CRTAP: variants seen among roughly 807,000 people sequenced by gnomAD.
CRTAP encodes cartilage associated protein, also known as cartilage-associated protein.
CRTAP carries 33 observed loss-of-function variants against 42.7 expected under a neutral mutation model. The observed-to-expected ratio is 0.77, with a 90% CI of 0.59 to 1.03. The LOEUF is 1.03. Among genes scored for constraint, CRTAP ranks in the 50% least tolerant of loss-of-function variants. The pLI, the probability that CRTAP is intolerant of heterozygous loss-of-function variation, is 0.00. For synonymous variants in CRTAP, 243 were observed against 217.7 expected, an observed-to-expected ratio of 1.12 and a Z score of -1.02; for missense variants, 613 against 533.9, an observed-to-expected ratio of 1.15 and a Z score of -1.46.
intron 3 of CRTAP, among the ~76,000 whole-genome samples, chr3:33,125,540 G>T (rs1051094925): frequency 2.6e-5 from 2 of 75,842 alleles, no homozygotes; most frequent in Non-Finnish European, 5.1e-5. Flanking sequence ...TCTTGTTATG[G>T]AAAATTTCAA....
In CRTAP at chr3:33,114,097, G is replaced by C. The variant is rs886044235; in HGVS notation, c.20G>C (p.Gly7Ala). MEPGRR[G>A]AAALLALLCV... ...GGCGCGATGGAGCCGGGGCGCCGGGGGGCCGCGGCGCTGCTAGCGCTGCTG... is the reference window on the plus strand; with the variant it reads ...GGCGCGATGGAGCCGGGGCGCCGGGCGGCCGCGGCGCTGCTAGCGCTGCTG... Residue 7 changes from glycine (G) to alanine (A), a missense_variant, in exon 1 of 7, where the codon GGG becomes GCG. Gly to Ala is a moderately conservative substitution (Grantham distance 60, BLOSUM62 0). Coordinates refer to ENST00000320954, the MANE Select transcript of CRTAP (RefSeq NM_006371.5). 1.4e-5 allele frequency: 20 copies of C among 1,467,870 alleles called. No homozygotes were observed. Among genetic ancestry groups the C allele is most frequent in the Admixed American group, 2.5e-5 (1 of 39,282 alleles). The allele number at this position is 1,467,870 out of a possible 1,614,324, so 90.9% of individuals were successfully genotyped here.
chr3:33,142,563 G>A lies in CRTAP; in HGVS notation c.*115G>A. The A allele has an allele frequency of 9.9e-7, 1 of 1,005,870 alleles. No homozygotes were observed. The highest frequency in any genetic ancestry group is 2.4e-5 in the East Asian group (1 of 41,522). The allele number at this position is 1,005,870 out of a possible 1,614,324, so 62.3% of individuals were successfully genotyped here. ...GAGCCTTCTCTTTACTCTCCAAAGTGAAAGGGAAGCCCCCGTCTCTCTAAC... is the reference window on the plus strand; with the variant it reads ...GAGCCTTCTCTTTACTCTCCAAAGTAAAAGGGAAGCCCCCGTCTCTCTAAC... On this transcript the variant is annotated 3_prime_UTR_variant, in exon 7 of 7. Transcript: ENST00000320954.
chr3:33,118,107 C>T (rs1199431776), intron 1 of CRTAP, among the ~76,000 whole-genome samples: 2 of 152,090 alleles, frequency 1.3e-5, no homozygotes, highest in Middle Eastern at 3.2e-3. Flanking sequence ...ATTACAAGCA[C>T]CTGCCACTGT....
intron 5 of CRTAP, among the ~76,000 whole-genome samples, chr3:33,133,281 CAG>C (rs2030324393): frequency 2.1e-5 from 3 of 142,780 alleles, no homozygotes; most frequent in Non-Finnish European, 4.5e-5. Flanking sequence ...TTTTTTGAGA[CAG>C]AGTCTTGCTC....
In CRTAP at chr3:33,143,357, G is replaced by A. The variant is rs1371943683; in HGVS notation, c.*909G>A. On this transcript the variant is annotated 3_prime_UTR_variant, in exon 7 of 7. Transcript: ENST00000320954. ...AGTAGAGAGTGTAGAGTGCAGAAAT[G>A]TGGCTTTTGCCCCACTTTGCATCTC... The A allele has an allele frequency of 6.6e-6, 1 of 152,234 alleles. No homozygotes were observed. The highest frequency in any genetic ancestry group is 6.5e-5 in the Admixed American group (1 of 15,278). The allele number at this position is 152,234 out of a possible 1,614,324, so 9.4% of individuals were successfully genotyped here.
At chr3:33,116,037 T>C (rs568446233) in intron 1 of CRTAP, among the ~76,000 whole-genome samples, 131 of 152,344 alleles carry the variant, frequency 8.6e-4, no homozygotes, top group Non-Finnish European at 1.5e-3. Flanking sequence ...AAATGACTTA[T>C]CTAATTCTTT....
chr3:33,116,518 C>G (rs1055207843), intron 1 of CRTAP, among the ~76,000 whole-genome samples: 1 of 152,122 alleles, frequency 6.6e-6, no homozygotes, highest in Non-Finnish European at 1.5e-5. Flanking sequence ...GCCACCACAC[C>G]CAGCTAATTT....
At chr3:33,138,932 C>T (rs6797990) in intron 6 of CRTAP, among the ~76,000 whole-genome samples, 2,567 of 152,212 alleles carry the variant, frequency 0.017, 74 homozygotes, top group African/African-American at 0.058. Context: ...CACCTGAGGT[C>T]GGGAGTTTGA....
At chr3:33,133,915 T>C (rs951127125) in intron 5 of CRTAP, among the ~76,000 whole-genome samples, 8 of 152,236 alleles carry the variant, frequency 5.3e-5, no homozygotes, top group African/African-American at 1.4e-4. Flanking sequence ...CTATATGCCA[T>C]CTTGATTTTC....
chr3:33,142,743 C>T lies in CRTAP; in HGVS notation c.*295C>T. On this transcript the variant is annotated 3_prime_UTR_variant, in exon 7 of 7. Transcript: ENST00000320954. Reference sequence around the variant, plus strand: ...GTTCTCAGCTCACTGCAACCTCCGCCTCTTGGGTTCAAGCAATTCTGCTGC... The same window carrying T: ...GTTCTCAGCTCACTGCAACCTCCGCTTCTTGGGTTCAAGCAATTCTGCTGC... 1 of 332,926 alleles carries T rather than the reference C, an allele frequency of 3.0e-6. No individual in the cohort carries two copies. The highest frequency in any genetic ancestry group is 5.8e-6 in the Non-Finnish European group (1 of 173,496). The allele number at this position is 332,926 out of a possible 1,614,324, so 20.6% of individuals were successfully genotyped here. A position where few individuals can be genotyped will look rare whatever the true frequency, so the allele number is the denominator to read the frequency against.
At chr3:33,131,254 T>G (rs1303748255) in intron 4 of CRTAP, among the ~76,000 whole-genome samples, 3 of 132,612 alleles carry the variant, frequency 2.3e-5, no homozygotes, top group Non-Finnish European at 4.5e-5. Context: ...GGTAATTGTG[T>G]TTTTTTTTTG....
chr3:33,141,662 A>C (rs1195637718), intron 6 of CRTAP, among the ~76,000 whole-genome samples: 1 of 152,200 alleles, frequency 6.6e-6, no homozygotes. Context: ...TCATTCACTC[A>C]TTCTCTGCAG....
rs368587728 is a variant in CRTAP at position 33,132,144 on chromosome 3, A to G, written c.923-411A>G. Among the ~76,000 whole-genome samples the G allele has an allele frequency of 4.4e-4, 67 of 152,198 alleles. 1 individual carries two copies. The South Asian group carries it at 0.013, about 29-fold the overall frequency. ...TTTAGCTGTAGGGGAGCTAACCTAG[A>G]TCTGGAGACTGTGGTCCCATCCAGA... On this transcript the variant is annotated intron_variant, in intron 4 of 6. Coordinates refer to ENST00000320954, the MANE Select transcript of CRTAP (RefSeq NM_006371.5).
intron 6 of CRTAP, among the ~76,000 whole-genome samples, chr3:33,139,800 G>T (rs1158995540): frequency 1.3e-5 from 2 of 152,162 alleles, no homozygotes; most frequent in Non-Finnish European, 2.9e-5. Flanking sequence ...TCATGAATTT[G>T]TGTTGAATTT....
At chr3:33,116,165 G>T (rs1701340840) in intron 1 of CRTAP, among the ~76,000 whole-genome samples, 1 of 152,124 alleles carries the variant, frequency 6.6e-6, no homozygotes, top group African/African-American at 2.4e-5. Flanking sequence ...TTAATATACA[G>T]ATGAATTTGA....
chr3:33,115,258 T>C (rs929363175), intron 1 of CRTAP: 2 of 152,144 alleles, frequency 1.3e-5, no homozygotes, highest in Non-Finnish European at 2.9e-5. Flanking sequence ...TAGTTCCTTT[T>C]AAAGAGGATG....
intron 6 of CRTAP, among the ~76,000 whole-genome samples, chr3:33,135,837 AG>A (rs1183940023): frequency 2.6e-5 from 4 of 152,262 alleles, no homozygotes; most frequent in African/African-American, 9.6e-5. Flanking sequence ...TTATGTGAGC[AG>A]TTTCTCTTGT....
rs552901003 is a variant in CRTAP, at chr3:33,145,669, C to T, written c.*3221C>T. ...CCTCAGGCTGCAGTGTCCTTCCCAG[C>T]TGTGTGAGAAAATGAAAGCCGACGT... On this transcript the variant is annotated 3_prime_UTR_variant, in exon 7 of 7. Transcript: ENST00000320954. The surrounding 1 kb of genome is among the most constrained non-coding windows in gnomAD (Gnocchi z 4.3). 2.9e-3 allele frequency: 442 copies of T among 152,474 alleles called. 2 individuals are homozygous for T. Among genetic ancestry groups the T allele is most frequent in the Non-Finnish European group, 5.5e-3 (378 of 68,174 alleles). 9.4% of individuals were successfully genotyped at this position (152,474 alleles called of 1,614,324 possible).
intron 5 of CRTAP, among the ~76,000 whole-genome samples, chr3:33,133,884 C>G (rs937261862): frequency 7.2e-5 from 11 of 152,216 alleles, no homozygotes; most frequent in South Asian, 6.2e-4. Context: ...GATCTTTGCT[C>G]TTGTATTTTC....
Sources: allele counts gnomAD v4.1 joint callset (sites outside exome capture counted in the v4.1 genomes callset), GRCh38; gene constraint gnomAD v4.1.1; non-coding constraint Gnocchi (gnomAD v3.1); transcripts MANE v1.5; gene names NCBI Gene and HGNC (gene_info 2026-07-23, HGNC 2026-07-21).